CACNA1D: variants seen among roughly 807,000 people sequenced by gnomAD.
CACNA1D encodes calcium voltage-gated channel subunit alpha1 D.
In CACNA1D, 55 loss-of-function variants were observed where a neutral mutation model predicts 257.1. The observed-to-expected ratio is 0.21, with a 90% CI of 0.17 to 0.27. The LOEUF (loss-of-function observed/expected upper bound fraction) is 0.27, where lower values mean the gene tolerates loss of function less well. CACNA1D is among the 10% of genes least tolerant of loss of function. The pLI, the probability that CACNA1D is intolerant of heterozygous loss-of-function variation, is 1.00. For synonymous variants in CACNA1D, 980 were observed against 1,014.9 expected (o/e 0.97, Z 0.65); for missense variants, 1,876 against 2,784.0 (o/e 0.67, Z 7.34).
At chr3:53,657,708 G>T (rs34712594) in intron 4 of CACNA1D, among the ~76,000 whole-genome samples, 2 of 152,130 alleles carry the variant, frequency 1.3e-5, no homozygotes, top group Non-Finnish European at 2.9e-5. Flanking sequence ...GAAGAATTAT[G>T]ATGTCTTCAT....
intron 3 of CACNA1D, among the ~76,000 whole-genome samples, chr3:53,604,717 A>G (rs1242469621): frequency 6.6e-6 from 1 of 152,228 alleles, no homozygotes; most frequent in Non-Finnish European, 1.5e-5. Context: ...TTACAGAAGC[A>G]TTGGCTACCA....
intron 3 of CACNA1D, among the ~76,000 whole-genome samples, chr3:53,641,822 G>T (rs560584414): frequency 3.3e-5 from 5 of 152,318 alleles, no homozygotes; most frequent in African/African-American, 4.8e-5. Context: ...GACTTATAGG[G>T]CTCGGAGGCC....
intron 8 of CACNA1D, among the ~76,000 whole-genome samples, chr3:53,687,113 C>CTAATTAGAAAACTAATTTT (rs1193242320): frequency 6.6e-6 from 1 of 151,940 alleles, no homozygotes; most frequent in Non-Finnish European, 1.5e-5. Flanking sequence ...AACTACAAAA[C>CTAATTAGAAAACTAATTTT]ACTGATTAGT....
chr3:53,738,834 C>T, intron 20 of CACNA1D, among the ~76,000 whole-genome samples: 1 of 151,788 alleles, frequency 6.6e-6, no homozygotes, highest in Non-Finnish European at 1.5e-5. Context: ...GCCCTGGCGC[C>T]AGGTTGCCTT....
intron 30 of CACNA1D, among the ~76,000 whole-genome samples, chr3:53,767,565 C>CAAAAAAAAA (rs397792487): frequency 1.1e-4 from 15 of 130,444 alleles, no homozygotes; most frequent in East Asian, 7.5e-4. Context: ...GACTCTATCT[C>CAAAAAAAAA]AAAAAAAAAA....
At chr3:53,748,194 C>G (rs780826358) in intron 26 of CACNA1D, among the ~76,000 whole-genome samples, 2 of 152,176 alleles carry the variant, frequency 1.3e-5, no homozygotes, top group Non-Finnish European at 2.9e-5. Flanking sequence ...AGGGAGAATC[C>G]TCTGTGCTTT....
chr3:53,629,756 A>T (rs2093801572), intron 3 of CACNA1D, among the ~76,000 whole-genome samples: 1 of 152,342 alleles, frequency 6.6e-6, no homozygotes, highest in Admixed American at 6.5e-5. Flanking sequence ...ATGACATAGC[A>T]TGCAACTTCA....
In CACNA1D at chr3:53,673,556, T is replaced by C. The variant is rs1048237706; in HGVS notation, c.1220+430T>C. On this transcript the variant is annotated intron_variant, in intron 8 of 47. Coordinates refer to ENST00000350061, the MANE Select transcript of CACNA1D (RefSeq NM_001128840.3). This position sits in a 1 kb window ranked among gnomAD's most constrained non-coding sequence, Gnocchi z 4.1. ...ATTTCAGCCGCTGAGCTTGTCCTTA[T>C]TTGCAGAAAAAAAAAAAAAAAGGGA... Among the ~76,000 whole-genome samples the C allele has an allele frequency of 3.4e-4, 37 of 107,330 alleles. No individual in the cohort carries two copies. The highest frequency in any genetic ancestry group is 5.7e-4 in the Non-Finnish European group (32 of 56,296). 70.4% of individuals were successfully genotyped at this position (107,330 alleles called of 152,430 possible).
intron 8 of CACNA1D, among the ~76,000 whole-genome samples, chr3:53,691,853 A>ATG (rs1207905802): frequency 4.1e-4 from 46 of 111,338 alleles, no homozygotes; most frequent in South Asian, 1.4e-3. Flanking sequence ...TATATAATAT[A>ATG]TAATATATAT....
chr3:53,696,022 GGTACA>G (rs1454781594), intron 8 of CACNA1D, among the ~76,000 whole-genome samples: 1 of 152,126 alleles, frequency 6.6e-6, no homozygotes, highest in Non-Finnish European at 1.5e-5. Flanking sequence ...GCAGTGCAGT[GGTACA>G]GTCACAGCTC....
chr3:53,653,506 A>G (rs181525582), intron 4 of CACNA1D, among the ~76,000 whole-genome samples: 11 of 152,338 alleles, frequency 7.2e-5, no homozygotes, highest in Middle Eastern at 3.4e-3. Flanking sequence ...GTAAGGAAAG[A>G]TGGGACAATA....
At position 53,808,775 on chromosome 3, in the gene CACNA1D, GCGGC is replaced by G; in HGVS notation, c.5871+7_5871+10del. The G allele has an allele frequency of 1.2e-6, 2 of 1,605,402 alleles. No homozygotes were observed. The highest frequency in any genetic ancestry group is 1.7e-6 in the Non-Finnish European group (2 of 1,179,964). ...CTGCATCTAATGCAGCAACAGGTGA[GCGGC>G]CCACCTGGCCTTGCCCCCACACCTA... On this transcript the variant is annotated splice_donor_region_variant and intron_variant, in intron 46 of 47. Coordinates refer to ENST00000350061, the MANE Select transcript of CACNA1D (RefSeq NM_001128840.3).
chr3:53,504,361 T>C (rs2090734623), intron 3 of CACNA1D, among the ~76,000 whole-genome samples: 1 of 152,152 alleles, frequency 6.6e-6, no homozygotes, highest in African/African-American at 2.4e-5. Flanking sequence ...AGTAAAATTA[T>C]GACTTTTTTT....
chr3:53,682,790 T>A (rs1352502492), intron 8 of CACNA1D, among the ~76,000 whole-genome samples: 1 of 152,194 alleles, frequency 6.6e-6, no homozygotes, highest in Non-Finnish European at 1.5e-5. Context: ...GCTCATATAA[T>A]CTGCTTCCAG....
intron 3 of CACNA1D, among the ~76,000 whole-genome samples, chr3:53,645,062 T>G (rs960817010): frequency 2.0e-5 from 3 of 152,234 alleles, no homozygotes; most frequent in African/African-American, 7.2e-5. Flanking sequence ...TTATATTTCC[T>G]TGATGATTAG....
At chr3:53,605,287 G>A (rs2093494599) in intron 3 of CACNA1D, among the ~76,000 whole-genome samples, 1 of 152,130 alleles carries the variant, frequency 6.6e-6, no homozygotes, top group Non-Finnish European at 1.5e-5. Flanking sequence ...GAAGTTCTTA[G>A]GGGGACAAAT....
intron 9 of CACNA1D, among the ~76,000 whole-genome samples, chr3:53,705,238 G>A (rs1033307945): frequency 5.9e-5 from 9 of 152,152 alleles, no homozygotes; most frequent in Admixed American, 3.3e-4. Flanking sequence ...GGAAGGCTCC[G>A]TGGGAGGAGC....
At chr3:53,639,727 A>G (rs1030200339) in intron 3 of CACNA1D, among the ~76,000 whole-genome samples, 5 of 152,046 alleles carry the variant, frequency 3.3e-5, no homozygotes, top group African/African-American at 1.2e-4. Flanking sequence ...ACGTAGCCAT[A>G]TACAGATTTG....
At chr3:53,782,642 G>C (rs952234203) in intron 39 of CACNA1D, 1 of 152,216 alleles carries the variant, frequency 6.6e-6, no homozygotes, top group African/African-American at 2.4e-5. Context: ...AGCCAGCTCT[G>C]CTCCTTAGCA....
Sources: allele counts gnomAD v4.1 joint callset (sites outside exome capture counted in the v4.1 genomes callset), GRCh38; gene constraint gnomAD v4.1.1; non-coding constraint Gnocchi (gnomAD v3.1); transcripts MANE v1.5; gene names NCBI Gene and HGNC (gene_info 2026-07-23, HGNC 2026-07-21).